Variants in ATP10A observed in about 807,000 individuals in gnomAD.
ATP10A encodes ATPase phospholipid transporting 10A (putative).
Under a neutral mutation model 147.8 loss-of-function variants are expected in ATP10A, and 111 were observed. The observed-to-expected ratio is 0.75, with a 90% confidence interval of 0.64 to 0.88. The LOEUF (loss-of-function observed/expected upper bound fraction) is 0.88, where lower values mean the gene tolerates loss of function less well. ATP10A is among the 40% of genes least tolerant of loss of function. The probability of loss-of-function intolerance (pLI) is 0.00; values close to 1 mark genes in which losing one functional copy is unlikely to be tolerated. For missense variants in ATP10A, 1,927 were observed against 1,959.0 expected, an observed-to-expected ratio of 0.98 and a Z score of 0.31; for synonymous variants, 875 against 841.6, an observed-to-expected ratio of 1.04 and a Z score of -0.69.
intron 10 of ATP10A, chr15:25,708,968 A>T (rs1214702763): frequency 1.3e-5 from 2 of 152,404 alleles, no homozygotes; most frequent in Non-Finnish European, 2.9e-5. Context: ...CCCGTGGCCC[A>T]GGAAGGATTA....
intron 2 of ATP10A, among the ~76,000 whole-genome samples, chr15:25,749,676 C>T (rs1888044653): frequency 6.6e-6 from 1 of 152,126 alleles, no homozygotes; most frequent in Admixed American, 6.5e-5. Context: ...TCAGCTTAAT[C>T]TAACATAGAA....
At chr15:25,851,376 A>G (rs1335979588) in intron 1 of ATP10A, among the ~76,000 whole-genome samples, 1 of 151,274 alleles carries the variant, frequency 6.6e-6, no homozygotes, top group Non-Finnish European at 1.5e-5. Flanking sequence ...TTTTTTTTTA[A>G]TTATTATTGT....
At chr15:25,858,490 A>G (rs1299265901) in intron 1 of ATP10A, among the ~76,000 whole-genome samples, 1 of 152,194 alleles carries the variant, frequency 6.6e-6, no homozygotes, top group East Asian at 1.9e-4. Flanking sequence ...GGCAGAAAAG[A>G]AAACAAAAGG....
intron 2 of ATP10A, among the ~76,000 whole-genome samples, chr15:25,764,197 T>G (rs184779809): frequency 3.3e-5 from 5 of 152,232 alleles, no homozygotes; most frequent in Non-Finnish European, 1.5e-5. Context: ...GTTATTCCAC[T>G]GACCCGACAA....
chr15:25,802,486 T>G (rs1890984502), intron 1 of ATP10A, among the ~76,000 whole-genome samples: 1 of 152,168 alleles, frequency 6.6e-6, no homozygotes, highest in Admixed American at 6.5e-5. Flanking sequence ...ACCACAAACC[T>G]AGTGGCTGAA....
intron 1 of ATP10A, among the ~76,000 whole-genome samples, chr15:25,836,932 T>C (rs1015645068): frequency 6.6e-6 from 1 of 152,190 alleles, no homozygotes; most frequent in Non-Finnish European, 1.5e-5. Context: ...CCACCTGCCA[T>C]GGGGCTCTCT....
Position 25,701,195 on chromosome 15 carries a change from G to A in ATP10A, c.2760+721C>T, listed in dbSNP as rs78340248. On this transcript the variant is annotated intron_variant, in intron 13 of 20. Coordinates refer to ENST00000555815, the MANE Select transcript of ATP10A (RefSeq NM_024490.4). ...AGAGGCCAGGAGATGAGTGGGGGCT[G>A]CTGCAATAACTCACAGAGCAGGAAT... is the stretch of plus-strand genomic sequence containing the variant. Among the ~76,000 whole-genome samples, 1,159 of 152,330 alleles carry A rather than the reference G, an allele frequency of 7.6e-3. 14 individuals are homozygous for A. The highest frequency in any genetic ancestry group is 0.027 in the African/African-American group (1,109 of 41,578).
At chr15:25,821,250 G>A (rs1166366854) in intron 1 of ATP10A, among the ~76,000 whole-genome samples, 1 of 152,100 alleles carries the variant, frequency 6.6e-6, no homozygotes, top group East Asian at 1.9e-4. Context: ...TTACCTGGGT[G>A]TCATGGCATG....
At chr15:25,716,101 T>C (rs571594483) in intron 9 of ATP10A, among the ~76,000 whole-genome samples, 1 of 152,332 alleles carries the variant, frequency 6.6e-6, no homozygotes, top group East Asian at 1.9e-4. Flanking sequence ...CTCTGATCGA[T>C]TCTCGACCGC....
At position 25,680,907 on chromosome 15, in the gene ATP10A, T is replaced by C. The variant is rs1899371543; in HGVS notation, c.3581A>G (p.Tyr1194Cys). ...VCFSIPYLAY[Y>C]DSNVDLFTWG... ...GGTAAACAGGTCCACGTTCGAGTCATAGTAGGCCTGAAAGACAGTGGGGTC... is the reference window on the plus strand; with the variant it reads ...GGTAAACAGGTCCACGTTCGAGTCACAGTAGGCCTGAAAGACAGTGGGGTC... The change falls in exon 19 of 21, where the codon TAT (tyrosine) becomes TGT (cysteine). Residue 1194 changes from tyrosine to cysteine, a missense_variant. Coordinates refer to ENST00000555815, the MANE Select transcript of ATP10A (RefSeq NM_024490.4). 2 of 1,613,922 alleles carry C rather than the reference T, an allele frequency of 1.2e-6. No individual in the cohort carries two copies. Among genetic ancestry groups the C allele is most frequent in the Admixed American group, 1.7e-5 (1 of 60,004 alleles).
intron 1 of ATP10A, among the ~76,000 whole-genome samples, chr15:25,854,814 T>C (rs1296515657): frequency 6.6e-6 from 1 of 152,106 alleles, no homozygotes; most frequent in Non-Finnish European, 1.5e-5. Flanking sequence ...TCCCAGCACT[T>C]TGGGAGGCCA....
chr15:25,779,611 G>A (rs1231590988), intron 2 of ATP10A, among the ~76,000 whole-genome samples: 1 of 152,134 alleles, frequency 6.6e-6, no homozygotes, highest in Non-Finnish European at 1.5e-5. Flanking sequence ...GGGTGGCATC[G>A]GATGGGGCCC....
intron 8 of ATP10A, among the ~76,000 whole-genome samples, chr15:25,717,743 G>C (rs1158640583): frequency 1.4e-5 from 2 of 147,898 alleles, no homozygotes; most frequent in African/African-American, 5.0e-5. Flanking sequence ...CTCACTTCTC[G>C]CCTCTCCGTG....
intron 2 of ATP10A, among the ~76,000 whole-genome samples, chr15:25,746,202 C>T (rs1215205122): frequency 6.6e-6 from 1 of 152,024 alleles, no homozygotes; most frequent in Non-Finnish European, 1.5e-5. Context: ...AAAAAGAAAG[C>T]TAGCGTGCCT....
chr15:25,782,898 C>T (rs1039846849), intron 1 of ATP10A, among the ~76,000 whole-genome samples: 6 of 151,948 alleles, frequency 3.9e-5, no homozygotes, highest in African/African-American at 1.2e-4. Context: ...TGCCGGGTGC[C>T]ATGGCTCACA....
rs145032221 is a variant in ATP10A at position 25,716,282 on chromosome 15, C to G, written c.1776+448G>C. Among the ~76,000 whole-genome samples the G allele has an allele frequency of 7.5e-3, 1,147 of 152,326 alleles. 21 individuals are homozygous for G. The highest frequency in any genetic ancestry group is 0.026 in the African/African-American group (1,072 of 41,572). On this transcript the variant is annotated intron_variant, in intron 9 of 20. Transcript: ENST00000555815. Reference sequence around the variant, plus strand: ...CCCAGAAGCTGGGCCCCCGGCCTGTCTTGTCCTCTCTCCTGTGTGGATCTG... The same window carrying G: ...CCCAGAAGCTGGGCCCCCGGCCTGTGTTGTCCTCTCTCCTGTGTGGATCTG...
intron 16 of ATP10A, among the ~76,000 whole-genome samples, chr15:25,684,352 G>A (rs756610465): frequency 1.1e-4 from 16 of 152,202 alleles, no homozygotes; most frequent in Non-Finnish European, 1.9e-4. Flanking sequence ...CACAGAGCAT[G>A]AACTCCTCAG....
chr15:25,744,690 A>T (rs1887751522), intron 2 of ATP10A, among the ~76,000 whole-genome samples: 1 of 152,222 alleles, frequency 6.6e-6, no homozygotes, highest in African/African-American at 2.4e-5. Context: ...TTATTAGCAG[A>T]TTTGGCAAAC....
At chr15:25,853,606 C>T (rs910524246) in intron 1 of ATP10A, among the ~76,000 whole-genome samples, 1 of 152,042 alleles carries the variant, frequency 6.6e-6, no homozygotes, top group Admixed American at 6.5e-5. Context: ...TCTACCAACA[C>T]GTCGGGAAGG....
Sources: allele counts gnomAD v4.1 joint callset (sites outside exome capture counted in the v4.1 genomes callset), GRCh38; gene constraint gnomAD v4.1.1; transcripts MANE v1.5; gene names NCBI Gene and HGNC (gene_info 2026-07-23, HGNC 2026-07-21).